The following ADAMTSL3 variants were observed in gnomAD, a reference collection of about 807,000 sequenced individuals.
The protein encoded by ADAMTSL3 is ADAMTS-like protein 3.
ADAMTSL3 carries 128 observed loss-of-function variants against 201.7 expected under a neutral mutation model. The observed-to-expected ratio is 0.63, with a 90% confidence interval of 0.55 to 0.73. The LOEUF is 0.73. ADAMTSL3 is among the 30% of genes least tolerant of loss of function. The pLI is 0.00. For synonymous variants in ADAMTSL3, 738 were observed against 748.4 expected, an observed-to-expected ratio of 0.99 and a Z score of 0.23; for missense variants, 1,990 against 2,119.6, an observed-to-expected ratio of 0.94 and a Z score of 1.20.
chr15:83,937,537 T>C (rs1372025087), intron 17 of ADAMTSL3, among the ~76,000 whole-genome samples: 2 of 150,696 alleles, frequency 1.3e-5, no homozygotes, highest in Non-Finnish European at 2.9e-5. Context: ...AGGGAGAGGA[T>C]TGAAAAAGTA....
At chr15:83,974,998 C>CT (rs35557833) in intron 20 of ADAMTSL3, among the ~76,000 whole-genome samples, 4,330 of 96,104 alleles carry the variant, frequency 0.045, 171 homozygotes, top group Non-Finnish European at 0.053. Flanking sequence ...CAGCCTGCGT[C>CT]TTTTTTTTTT....
At chr15:83,963,542 G>C in intron 19 of ADAMTSL3, among the ~76,000 whole-genome samples, 1 of 152,170 alleles carries the variant, frequency 6.6e-6, no homozygotes, top group Non-Finnish European at 1.5e-5. Flanking sequence ...ATCTCCCTGG[G>C]ACAGAGTACC....
At chr15:83,855,665 A>G (rs1330487313) in intron 7 of ADAMTSL3, among the ~76,000 whole-genome samples, 1 of 152,154 alleles carries the variant, frequency 6.6e-6, no homozygotes, top group Non-Finnish European at 1.5e-5. Context: ...GCATGCCACA[A>G]AGCTCACTGT....
intron 11 of ADAMTSL3, chr15:83,890,747 A>G (rs978964967): frequency 1.3e-5 from 2 of 154,098 alleles, no homozygotes; most frequent in African/African-American, 4.8e-5. Context: ...TGCCTGGGGA[A>G]GTTTCCTGGC....
chr15:83,743,071 T>A (rs973232349), intron 3 of ADAMTSL3, among the ~76,000 whole-genome samples: 5 of 152,210 alleles, frequency 3.3e-5, no homozygotes, highest in Non-Finnish European at 7.3e-5. Flanking sequence ...ATTCCTGTGT[T>A]ATTGTAACTG....
Position 83,890,096 on chromosome 15 carries a change from T to C in ADAMTSL3, c.1073-13T>C, listed in dbSNP as rs746628645. Reference sequence around the variant, plus strand: ...GGATGCAATATTCAGACTTGCCTTTTCTAACACTTTAGGTTATCAGCTCAA... The same window carrying C: ...GGATGCAATATTCAGACTTGCCTTTCCTAACACTTTAGGTTATCAGCTCAA... On this transcript the variant is annotated splice_polypyrimidine_tract_variant and intron_variant, in intron 10 of 29. Coordinates refer to ENST00000286744, the MANE Select transcript of ADAMTSL3 (RefSeq NM_207517.3). 6.2e-7 allele frequency: 1 copy of C among 1,606,014 alleles called. No individual in the cohort carries two copies. Among genetic ancestry groups the C allele is most frequent in the African/African-American group, 1.3e-5 (1 of 74,586 alleles).
chr15:83,696,635 CTTA>C (rs1567079595), intron 2 of ADAMTSL3, among the ~76,000 whole-genome samples: 2 of 152,126 alleles, frequency 1.3e-5, no homozygotes, highest in Non-Finnish European at 2.9e-5. Context: ...TCCTTGAATC[CTTA>C]GTGGCCAAGA....
At chr15:83,851,008 G>C (rs2064600662) in intron 7 of ADAMTSL3, among the ~76,000 whole-genome samples, 1 of 152,182 alleles carries the variant, frequency 6.6e-6, no homozygotes, top group African/African-American at 2.4e-5. Context: ...CACCTGGGAG[G>C]CTGCTGCTGG....
chr15:83,736,692 A>G (rs1439480691), intron 3 of ADAMTSL3, among the ~76,000 whole-genome samples: 1 of 152,174 alleles, frequency 6.6e-6, no homozygotes, highest in Non-Finnish European at 1.5e-5. Context: ...TGACAATTGT[A>G]TTCTTTCCTA....
chr15:83,894,315 T>C (rs539240315), intron 13 of ADAMTSL3, among the ~76,000 whole-genome samples: 2 of 152,202 alleles, frequency 1.3e-5, no homozygotes, highest in African/African-American at 4.8e-5. Flanking sequence ...TAATTTTTGG[T>C]CACATACTCC....
chr15:83,831,577 G>A (rs1231133174), intron 6 of ADAMTSL3, among the ~76,000 whole-genome samples: 1 of 152,184 alleles, frequency 6.6e-6, no homozygotes, highest in Non-Finnish European at 1.5e-5. Flanking sequence ...CACCCAGGCT[G>A]GAGTGCAGTG....
chr15:83,887,496 C>T (rs1257360486), intron 10 of ADAMTSL3, among the ~76,000 whole-genome samples: 2 of 152,174 alleles, frequency 1.3e-5, no homozygotes, highest in African/African-American at 4.8e-5. Flanking sequence ...TTCAATTCCT[C>T]CAGAATTTTC....
chr15:83,704,565 A>AAC (rs2141505118), intron 3 of ADAMTSL3, 57 bp downstream of exon 3: 1 of 1,472,236 alleles, frequency 6.8e-7, no homozygotes. Context: ...GTGGTCAGGA[A>AAC]ACTGTCTCTA....
At chr15:83,983,967 T>A (rs2067433472) in intron 21 of ADAMTSL3, among the ~76,000 whole-genome samples, 1 of 152,244 alleles carries the variant, frequency 6.6e-6, no homozygotes, top group Non-Finnish European at 1.5e-5. Flanking sequence ...TATCATGCAA[T>A]TTTTAAATGT....
intron 11 of ADAMTSL3, 111 bp downstream of exon 11, chr15:83,890,358 C>T (rs150822565): frequency 6.2e-5 from 87 of 1,404,266 alleles, no homozygotes; most frequent in Non-Finnish European, 7.7e-5. Flanking sequence ...GCTTTGTCTA[C>T]TGGCGGCAGG....
At chr15:84,002,349 A>T (rs1157763048) in intron 23 of ADAMTSL3, among the ~76,000 whole-genome samples, 1 of 152,170 alleles carries the variant, frequency 6.6e-6, no homozygotes, top group African/African-American at 2.4e-5. Context: ...GTCCAGTCCT[A>T]TTGTTAACAA....
chr15:84,015,609 G>A (rs912215014), intron 24 of ADAMTSL3, among the ~76,000 whole-genome samples: 2 of 152,140 alleles, frequency 1.3e-5, no homozygotes, highest in Non-Finnish European at 1.5e-5. Context: ...TGCTCTCCCT[G>A]CTACCCCTCA....
At chr15:83,771,834 C>T (rs930102751) in intron 3 of ADAMTSL3, among the ~76,000 whole-genome samples, 8 of 150,334 alleles carry the variant, frequency 5.3e-5, no homozygotes, top group Non-Finnish European at 1.2e-4. Context: ...GTAATTCTAT[C>T]TTCCTTCACA....
intron 4 of ADAMTSL3, among the ~76,000 whole-genome samples, chr15:83,784,043 C>A (rs534281934): frequency 1.3e-4 from 20 of 152,258 alleles, no homozygotes; most frequent in African/African-American, 4.6e-4. Context: ...TAGGAAGCTG[C>A]AGTTGAAGGC....
Sources: gnomAD v4.1 joint callset for allele counts (sites outside exome capture counted in the v4.1 genomes callset) on GRCh38, gnomAD v4.1.1 for gene constraint, MANE v1.5 for transcripts, NCBI Gene and HGNC (gene_info 2026-07-23, HGNC 2026-07-21) for gene names.